Variants in TKTL1 observed in about 807,000 individuals in gnomAD.
TKTL1 encodes transketolase like 1, also known as transketolase-like protein 1.
In TKTL1, 1 loss-of-function variant was observed where a neutral mutation model predicts 39.3. The ratio of observed to expected loss-of-function variants is 0.03; its 90% CI spans 0.01 to 0.12. The LOEUF is 0.12. TKTL1 is among the 10% of genes least tolerant of loss of function. The pLI, the probability that TKTL1 is intolerant of heterozygous loss-of-function variation, is 1.00. For missense variants in TKTL1, 575 were observed against 509.6 expected (o/e 1.13, Z -1.24); for synonymous variants, 262 against 193.8 (o/e 1.35, Z -2.92).
chrX:154,302,357 C>G (rs1248778332), intron 1 of TKTL1, among the ~76,000 whole-genome samples: 13 of 111,594 alleles, frequency 1.2e-4, no homozygotes, highest in African/African-American at 4.2e-4. Context: ...ATAAGAAATG[C>G]CAAGACTGGG....
rs1300619700 is a variant in TKTL1, at chrX:154,324,452, T to C, written c.1318-887T>C. ...ACCGCACCTGGCCAATTGTGTACTT[T>C]TAAAATTAGTTTATCTTGGAGATTG... On this transcript the variant is annotated intron_variant, in intron 9 of 12. Transcript: ENST00000369915. Among the ~76,000 whole-genome samples, 3 of 112,585 alleles carry C rather than the reference T, an allele frequency of 2.7e-5. No homozygotes were observed. In the Admixed American group the frequency reaches 2.8e-4, roughly 11 times the overall value.
chrX:154,326,230 G>A lies in TKTL1; in HGVS notation c.1401+808G>A, dbSNP rs148425083. ...AATCCAGGCCTGAGTAGTGAGCCCA[G>A]TCTCCCCAGGTCTGCCCACCACGCT... On this transcript the variant is annotated intron_variant, in intron 10 of 12. Transcript: ENST00000369915. Among the ~76,000 whole-genome samples, 570 of 111,561 alleles carry A rather than the reference G, an allele frequency of 5.1e-3. 4 individuals are homozygous for A. The highest frequency in any genetic ancestry group is 0.018 in the African/African-American group (550 of 30,692).
In TKTL1 at chrX:154,295,826, G is replaced by T. The variant is rs1412576100; in HGVS notation, c.-34G>T. 3.3e-6 allele frequency: 4 copies of T among 1,202,267 alleles called. No individual in the cohort carries two copies. The highest frequency in any genetic ancestry group is 2.2e-5 in the Admixed American group (1 of 44,953). On this transcript the variant is annotated 5_prime_UTR_variant, in exon 1 of 13. Coordinates refer to ENST00000369915, the MANE Select transcript of TKTL1 (RefSeq NM_012253.4). ...CGCTCTTCAGACGCCGGAGACGTAG[G>T]AGTGGGTCTTCAGACTCCAAAGGGG...
intron 12 of TKTL1, 38 bp from the exon 13 acceptor site, chrX:154,329,478 T>C (rs2067520237): frequency 2.5e-6 from 3 of 1,197,001 alleles, no homozygotes; most frequent in South Asian, 3.6e-5. Context: ...GCTGACGAGC[T>C]GCTTTCACAA....
chrX:154,303,562 C>T (rs1454351692), intron 1 of TKTL1, among the ~76,000 whole-genome samples: 5 of 104,789 alleles, frequency 4.8e-5, no homozygotes, highest in Admixed American at 1.0e-4. Flanking sequence ...CCTCTTCCCT[C>T]GTCTTCCTTG....
At position 154,295,803 on chromosome X, in the gene TKTL1, C is replaced by G; in HGVS notation, c.-57C>G. 1 of 1,184,341 alleles carries G rather than the reference C, an allele frequency of 8.4e-7. No individual in the cohort carries two copies. Among genetic ancestry groups the G allele is most frequent in the Non-Finnish European group, 1.1e-6 (1 of 879,063 alleles). On this transcript the variant is annotated 5_prime_UTR_variant, in exon 1 of 13. Transcript: ENST00000369915. ...CTGGGCAGCTCGCAGGCGCCATTCG[C>G]TCTTCAGACGCCGGAGACGTAGGAG...
intron 1 of TKTL1, among the ~76,000 whole-genome samples, chrX:154,297,271 G>A (rs782099276): frequency 9.4e-6 from 1 of 106,846 alleles, no homozygotes; most frequent in African/African-American, 3.4e-5. Flanking sequence ...TTCTTTTTTT[G>A]TTTTGAGACG....
Position 154,310,989 on chromosome X carries a change from C to G in TKTL1, c.504C>G (p.His168Gln), listed in dbSNP as rs74546727. ...ACAGTGGTGCATTGCCCGCCGAGCA[C>G]TGCATAAACATCTATCAGAGGCGCT... ...LGHSGALPAEHCINIYQRRCE... is the reference protein window; with the variant it reads ...LGHSGALPAEQCINIYQRRCE... The change falls in exon 4 of 13, where the codon CAC becomes CAG. Residue 168 changes from histidine to glutamine, a missense_variant. His to Gln is a conservative substitution (Grantham distance 24). Transcript: ENST00000369915. 1,009 of 1,210,672 alleles carry G rather than the reference C, an allele frequency of 8.3e-4. 16 individuals carry two copies. The East Asian group carries it at 0.027, about 32-fold the overall frequency.
At chrX:154,298,366 A>C (rs1218984812) in intron 1 of TKTL1, among the ~76,000 whole-genome samples, 1 of 111,248 alleles carries the variant, frequency 9.0e-6, no homozygotes, top group Non-Finnish European at 1.9e-5. Flanking sequence ...ACAGGTGCAC[A>C]CCACCATGCC....
intron 5 of TKTL1, among the ~76,000 whole-genome samples, 175 bp from the exon 6 acceptor site, chrX:154,312,405 C>T (rs2067365323): frequency 8.9e-6 from 1 of 112,325 alleles, no homozygotes; most frequent in Admixed American, 9.4e-5. Context: ...AGCCTCAGGG[C>T]CTTTGTCCAA....
At chrX:154,317,818 C>T (rs1249490270) in intron 7 of TKTL1, among the ~76,000 whole-genome samples, 1 of 110,963 alleles carries the variant, frequency 9.0e-6, no homozygotes, top group African/African-American at 3.3e-5. Context: ...GTGGCAGCAC[C>T]TGGGGGAAGG....
At chrX:154,305,230 A>G (rs1391819614) in intron 1 of TKTL1, 74 bp from the exon 2 acceptor site, 2 of 1,185,670 alleles carry the variant, frequency 1.7e-6, no homozygotes, top group African/African-American at 3.5e-5. Context: ...TTCTATGAGG[A>G]GACCATGTGC....
intron 1 of TKTL1, among the ~76,000 whole-genome samples, chrX:154,302,745 C>T (rs1221829791): frequency 5.4e-5 from 6 of 111,692 alleles, no homozygotes; most frequent in Admixed American, 9.5e-5. Context: ...ATAAGATCAT[C>T]CTGGACTTAG....
intron 1 of TKTL1, among the ~76,000 whole-genome samples, chrX:154,303,197 A>G (rs1201537524): frequency 3.1e-5 from 3 of 97,226 alleles, no homozygotes; most frequent in East Asian, 6.2e-4. Context: ...TTATTTATTT[A>G]TTTATTTATT....
rs782753275 is a variant in TKTL1 at position 154,326,083 on chromosome X, T to C, written c.1401+661T>C. On this transcript the variant is annotated intron_variant, in intron 10 of 12. Coordinates refer to ENST00000369915, the MANE Select transcript of TKTL1 (RefSeq NM_012253.4). ...CTAAGGCCAGGAATAAAAGGGAACA[T>C]GATCTCTGGTATTCTCACAAAAGCC... 1.3e-3 allele frequency among the ~76,000 whole-genome samples: 146 copies of C among 112,432 alleles called. No individual in the cohort carries two copies. The Middle Eastern group carries it at 0.033, about 25-fold the overall frequency.
chrX:154,318,276 T>C (rs2067418117), intron 7 of TKTL1, among the ~76,000 whole-genome samples: 1 of 110,487 alleles, frequency 9.1e-6, no homozygotes, highest in South Asian at 3.8e-4. Flanking sequence ...TAGTTGTTCA[T>C]ATATTGACAT....
intron 12 of TKTL1, 102 bp downstream of exon 12, chrX:154,328,060 A>C: frequency 9.8e-7 from 1 of 1,023,438 alleles, no homozygotes; most frequent in Non-Finnish European, 1.4e-6. Context: ...TCTACCTCTC[A>C]CCCAGCATGG....
At chrX:154,303,567 TC>T (rs1296415891) in intron 1 of TKTL1, among the ~76,000 whole-genome samples, 1 of 104,245 alleles carries the variant, frequency 9.6e-6, no homozygotes, top group Non-Finnish European at 2.0e-5. Context: ...TCCCTCGTCT[TC>T]CTTGGCTTTC....
Position 154,312,631 on chromosome X carries a change from C to G in TKTL1, c.722C>G (p.Ala241Gly), listed in dbSNP as rs781791468. The change falls in exon 6 of 13, where the codon GCA becomes GGA. Residue 241 changes from alanine to glycine, a missense_variant. Ala to Gly is a moderately conservative substitution (Grantham distance 60, BLOSUM62 0). Transcript: ENST00000369915. ...GCAAAGCCAATGCCGAGAGAAAGAGCAGATGCCATTATCAAATTAATTGAG... is the reference window on the plus strand; with the variant it reads ...GCAAAGCCAATGCCGAGAGAAAGAGGAGATGCCATTATCAAATTAATTGAG... ...WHAKPMPRER[A>G]DAIIKLIESQ... 4 of 1,209,163 alleles carry G rather than the reference C, an allele frequency of 3.3e-6. No homozygotes were observed. Among genetic ancestry groups the G allele is most frequent in the African/African-American group, 3.5e-5 (2 of 57,109 alleles).
Sources: gnomAD v4.1 joint callset for allele counts (sites outside exome capture counted in the v4.1 genomes callset) on GRCh38, gnomAD v4.1.1 for gene constraint, MANE v1.5 for transcripts, NCBI Gene and HGNC (gene_info 2026-07-23, HGNC 2026-07-21) for gene names.